Variants in FOXO1 observed in about 807,000 individuals in gnomAD.
FOXO1 encodes the protein forkhead box protein O1.
Under a neutral mutation model 44.1 loss-of-function variants are expected in FOXO1, and 6 were observed. That is an observed-to-expected ratio of 0.14 (90% CI 0.07 to 0.27). The LOEUF (loss-of-function observed/expected upper bound fraction) is 0.27, where lower values mean the gene tolerates loss of function less well. FOXO1 is among the 10% of genes least tolerant of loss of function. FOXO1 has a pLI of 1.00. For missense variants in FOXO1, 737 were observed against 888.8 expected, an observed-to-expected ratio of 0.83 and a Z score of 2.17; for synonymous variants, 380 against 362.7, an observed-to-expected ratio of 1.05 and a Z score of -0.54.
intron 1 of FOXO1, among the ~76,000 whole-genome samples, chr13:40,579,281 G>A (rs1874873957): frequency 6.6e-6 from 1 of 152,160 alleles, no homozygotes; most frequent in African/African-American, 2.4e-5. Flanking sequence ...GTGTTCTGTG[G>A]GACTTGCTGC....
intron 1 of FOXO1, among the ~76,000 whole-genome samples, chr13:40,647,108 G>C (rs1593413954): frequency 6.6e-6 from 1 of 152,174 alleles, no homozygotes; most frequent in African/African-American, 2.4e-5. Context: ...CATTAGTAAA[G>C]TATCTGTACT....
intron 1 of FOXO1, among the ~76,000 whole-genome samples, chr13:40,652,709 A>G (rs950372588): frequency 2.0e-5 from 3 of 152,198 alleles, no homozygotes; most frequent in African/African-American, 7.2e-5. Context: ...TAAAATCCAC[A>G]TTGTGACCGT....
At chr13:40,616,652 C>T (rs554874995) in intron 1 of FOXO1, among the ~76,000 whole-genome samples, 2 of 152,118 alleles carry the variant, frequency 1.3e-5, no homozygotes, top group African/African-American at 4.8e-5. Context: ...TCGGAAGCTA[C>T]TATAGGGCAG....
intron 1 of FOXO1, among the ~76,000 whole-genome samples, chr13:40,568,555 T>G (rs1273588503): frequency 6.6e-6 from 1 of 152,234 alleles, no homozygotes; most frequent in Non-Finnish European, 1.5e-5. Flanking sequence ...TGCCAACCCT[T>G]TTTTTACAAG....
intron 1 of FOXO1, among the ~76,000 whole-genome samples, chr13:40,598,386 C>T (rs552091011): frequency 2.9e-4 from 44 of 152,068 alleles, no homozygotes; most frequent in Admixed American, 5.9e-4. Context: ...AATTTCTTTC[C>T]CTAAAATTCT....
At chr13:40,620,528 TAG>T in intron 1 of FOXO1, 3 of 451,908 alleles carry the variant, frequency 6.6e-6, no homozygotes, top group Admixed American at 6.1e-5. Flanking sequence ...GTTCAACCAC[TAG>T]AGAGAAGCTC....
At chr13:40,596,763 T>C (rs1490083957) in intron 1 of FOXO1, among the ~76,000 whole-genome samples, 1 of 152,194 alleles carries the variant, frequency 6.6e-6, no homozygotes, top group Non-Finnish European at 1.5e-5. Flanking sequence ...CATCTAATTT[T>C]CAAACATCAC....
At chr13:40,587,842 C>G (rs2984121) in intron 1 of FOXO1, among the ~76,000 whole-genome samples, 18,004 of 152,230 alleles carry the variant, frequency 0.12, 1,487 homozygotes, top group Non-Finnish European at 0.18. Flanking sequence ...AGTAGCCTCT[C>G]CCCACCTTTT....
intron 1 of FOXO1, chr13:40,619,741 G>C: frequency 1.1e-6 from 1 of 928,588 alleles, no homozygotes; most frequent in Non-Finnish European, 1.8e-6. Flanking sequence ...CTCAACAGTA[G>C]GAAGATTAAA....
chr13:40,571,041 T>A (rs561101765), intron 1 of FOXO1, among the ~76,000 whole-genome samples: 70 of 152,140 alleles, frequency 4.6e-4, no homozygotes, highest in African/African-American at 1.7e-3. Context: ...TACGCTTGGG[T>A]TTAATGATAC....
intron 1 of FOXO1, among the ~76,000 whole-genome samples, chr13:40,573,592 C>A (rs767941490): frequency 1.3e-4 from 20 of 152,302 alleles, no homozygotes; most frequent in Middle Eastern, 6.8e-3. Flanking sequence ...ATGTTTTATT[C>A]TAATGCTGCA....
intron 1 of FOXO1, among the ~76,000 whole-genome samples, chr13:40,648,267 A>G (rs1013680412): frequency 3.3e-5 from 5 of 152,186 alleles, no homozygotes; most frequent in African/African-American, 1.2e-4. Context: ...TCCCTTCCTC[A>G]GGTCAAAATA....
intron 1 of FOXO1, chr13:40,619,037 A>G (rs570202478): frequency 7.8e-5 from 38 of 485,972 alleles, no homozygotes; most frequent in South Asian, 5.6e-4. Flanking sequence ...CTGTAATCCC[A>G]GCACTTTGGG....
rs1262013590 is a variant in FOXO1 at position 40,558,879 on chromosome 13, CT to C, written c.*169del. 2.5e-6 allele frequency: 1 copy of C among 397,078 alleles called. No individual in the cohort carries two copies. Among genetic ancestry groups the C allele is most frequent in the African/African-American group, 2.1e-5 (1 of 48,036 alleles). The allele number at this position is 397,078 out of a possible 1,614,324, so 24.6% of individuals were successfully genotyped here. On this transcript the variant is annotated 3_prime_UTR_variant, in exon 3 of 3. Transcript: ENST00000379561. ...CAAACATCCTGTACAGGAAAAATGT[CT>C]TTGCTGCCAAGTCTGACGAAAGGAA...
At position 40,620,394 on chromosome 13, in the gene FOXO1, G is replaced by A; in HGVS notation, c.630+45189C>T. ...AGAGCGGTCACGTATTCAAACCTATGTTAGTACCATAATTCTTCCTAGGAT... is the reference window on the plus strand; with the variant it reads ...AGAGCGGTCACGTATTCAAACCTATATTAGTACCATAATTCTTCCTAGGAT... On this transcript the variant is annotated intron_variant, in intron 1 of 2. Transcript: ENST00000379561. 4.5e-6 allele frequency: 3 copies of A among 673,420 alleles called. No individual in the cohort carries two copies. In the South Asian group the frequency reaches 4.8e-5, roughly 11 times the overall value. The allele number at this position is 673,420 out of a possible 1,614,324, so 41.7% of individuals were successfully genotyped here.
chr13:40,579,615 A>C (rs570192232), intron 1 of FOXO1, among the ~76,000 whole-genome samples: 1 of 152,246 alleles, frequency 6.6e-6, no homozygotes, highest in African/African-American at 2.4e-5. Context: ...CAGAATGAAA[A>C]AAAAAGGGGG....
intron 1 of FOXO1, among the ~76,000 whole-genome samples, chr13:40,564,785 A>G (rs1459775909): frequency 6.7e-6 from 1 of 149,232 alleles, no homozygotes; most frequent in African/African-American, 2.5e-5. Context: ...GCACTAGAGA[A>G]ACACAAGCCA....
chr13:40,608,745 T>C (rs1876115088), intron 1 of FOXO1, among the ~76,000 whole-genome samples: 1 of 152,262 alleles, frequency 6.6e-6, no homozygotes, highest in African/African-American at 2.4e-5. Flanking sequence ...AGGCTTTTCC[T>C]GATTCTTAAG....
At chr13:40,563,457 A>G (rs1275655557) in intron 1 of FOXO1, among the ~76,000 whole-genome samples, 2 of 152,154 alleles carry the variant, frequency 1.3e-5, no homozygotes, top group Non-Finnish European at 2.9e-5. Context: ...TCAACACAGC[A>G]GCTACGTGAC....
Sources: allele counts gnomAD v4.1 joint callset (sites outside exome capture counted in the v4.1 genomes callset), GRCh38; gene constraint gnomAD v4.1.1; transcripts MANE v1.5; gene names NCBI Gene and HGNC (gene_info 2026-07-23, HGNC 2026-07-21).